ADD2: variants seen among roughly 807,000 people sequenced by gnomAD.
ADD2 encodes the protein adducin 2, also known as beta-adducin.
A neutral mutation model predicts 83.0 loss-of-function variants in ADD2; 23 were observed. The ratio of observed to expected loss-of-function variants is 0.28; its 90% CI spans 0.20 to 0.39. The LOEUF is 0.39. Ranked by LOEUF, ADD2 falls within the 10% of genes least tolerant of loss-of-function variation. The pLI is 1.00. For synonymous variants in ADD2, 375 were observed against 375.4 expected, an observed-to-expected ratio of 1.00 and a Z score of 0.01; for missense variants, 758 against 944.9, an observed-to-expected ratio of 0.80 and a Z score of 2.59.
chr2:70,740,263 C>T (rs1174651631), intron 1 of ADD2, among the ~76,000 whole-genome samples: 1 of 152,032 alleles, frequency 6.6e-6, no homozygotes, highest in Non-Finnish European at 1.5e-5. Context: ...AAAGCAAAAA[C>T]TGTTGAGAAT....
At chr2:70,745,408 A>C (rs1378941398) in intron 1 of ADD2, among the ~76,000 whole-genome samples, 1 of 152,186 alleles carries the variant, frequency 6.6e-6, no homozygotes, top group Non-Finnish European at 1.5e-5. Flanking sequence ...ACAGTACCAC[A>C]AAGTACAGAA....
intron 1 of ADD2, among the ~76,000 whole-genome samples, chr2:70,743,609 A>T (rs1230657882): frequency 6.6e-6 from 1 of 152,224 alleles, no homozygotes; most frequent in Non-Finnish European, 1.5e-5. Flanking sequence ...TAAAATTCTG[A>T]AATACTTGCC....
At chr2:70,677,568 A>G (rs1553368598) in intron 12 of ADD2, among the ~76,000 whole-genome samples, 190 bp downstream of exon 12, 1 of 152,202 alleles carries the variant, frequency 6.6e-6, no homozygotes, top group East Asian at 1.9e-4. Context: ...GTAAAGGGTT[A>G]CGGGACCACA....
At chr2:70,714,284 CCCACCCTACCG>C (rs1672350089) in intron 1 of ADD2, among the ~76,000 whole-genome samples, 1 of 152,120 alleles carries the variant, frequency 6.6e-6, no homozygotes, top group African/African-American at 2.4e-5. Flanking sequence ...CCTGAGTACC[CCCACCCTACCG>C]CCACCTGCCC....
At chr2:70,680,835 C>T (rs528484792) in intron 10 of ADD2, among the ~76,000 whole-genome samples, 2 of 152,094 alleles carry the variant, frequency 1.3e-5, no homozygotes, top group Admixed American at 6.5e-5. Context: ...CATAATTGTC[C>T]ACCTTAAACT....
chr2:70,727,403 C>T (rs1553378494), intron 1 of ADD2, among the ~76,000 whole-genome samples: 7 of 152,142 alleles, frequency 4.6e-5, no homozygotes, highest in Admixed American at 3.3e-4. Context: ...CTCCCTCTCC[C>T]TCTCCCTCTC....
At chr2:70,704,263 T>TGGCCCCCCCACCCCCCC in intron 4 of ADD2, 58 bp downstream of exon 4, 1 of 913,238 alleles carries the variant, frequency 1.1e-6, no homozygotes, top group Non-Finnish European at 1.7e-6. Flanking sequence ...CTCCCTCTCT[T>TGGCCCCCCCACCCCCCC]CCCCACCCCA....
intron 2 of ADD2, among the ~76,000 whole-genome samples, chr2:70,711,531 T>C (rs1343163497): frequency 1.3e-5 from 2 of 152,130 alleles, no homozygotes; most frequent in African/African-American, 4.8e-5. Context: ...CAAATGCCCC[T>C]TGATTTTTAA....
At position 70,692,444 on chromosome 2, in the gene ADD2, C is replaced by T. The variant is rs144714020; in HGVS notation, c.664G>A (p.Val222Met). ...HSAIYAARPD[V>M]RCIIHLHTPA... is the part of the protein sequence containing the mutation. ...GTGTGCAGGTGGATGATGCAGCGCA[C>T]GTCGGGCCTCGCTGCATAGATGGCC... The change falls in exon 7 of 16, where the codon GTG (valine) becomes ATG (methionine). Residue 222 changes from valine (V) to methionine (M), a missense_variant. Coordinates refer to ENST00000264436, the MANE Select transcript of ADD2 (RefSeq NM_001617.4). The T allele has an allele frequency of 1.4e-5, 22 of 1,609,222 alleles. No individual in the cohort carries two copies. Among genetic ancestry groups the T allele is most frequent in the Admixed American group, 6.7e-5 (4 of 59,408 alleles).
intron 1 of ADD2, among the ~76,000 whole-genome samples, chr2:70,713,977 G>A (rs564868814): frequency 6.6e-6 from 1 of 152,056 alleles, no homozygotes; most frequent in East Asian, 2.0e-4. Flanking sequence ...CTGTCCATGG[G>A]TGAATTCAAG....
intron 4 of ADD2, 58 bp downstream of exon 4, chr2:70,704,263 T>TCCCCCCCCCCCCCCACC: frequency 2.2e-6 from 2 of 913,238 alleles, no homozygotes; most frequent in Non-Finnish European, 1.7e-6. Context: ...CTCCCTCTCT[T>TCCCCCCCCCCCCCCACC]CCCCACCCCA....
intron 4 of ADD2, among the ~76,000 whole-genome samples, chr2:70,699,954 A>T (rs1008651700): frequency 6.6e-6 from 1 of 152,368 alleles, no homozygotes; most frequent in African/African-American, 2.4e-5. Context: ...GAAGCTATTT[A>T]ATAGGTCATT....
chr2:70,692,496 C>T lies in ADD2; in HGVS notation c.612G>A (p.Val204=). The change falls in exon 7 of 16, where the codon GTG becomes GTA. Residue 204 remains valine (V), a synonymous_variant. Transcript: ENST00000264436. ...AGTGCAGACAGAAGCCTGTGGTGTC[C>T]ACTGGGAAGCAGCTGCTGCCCTTCT... ...VVEKGSSCFP[V]DTTGFCLHSA... 1 of 1,612,894 alleles carries T rather than the reference C, an allele frequency of 6.2e-7. No homozygotes were observed. The highest frequency in any genetic ancestry group is 8.5e-7 in the Non-Finnish European group (1 of 1,179,610).
intron 1 of ADD2, among the ~76,000 whole-genome samples, chr2:70,762,616 CAAAT>C (rs1402221693): frequency 6.7e-6 from 1 of 148,350 alleles, no homozygotes; most frequent in Non-Finnish European, 1.5e-5. Flanking sequence ...AATTATATAT[CAAAT>C]AAATATATAA....
chr2:70,725,630 G>A (rs527948141), intron 1 of ADD2, among the ~76,000 whole-genome samples: 12 of 152,068 alleles, frequency 7.9e-5, no homozygotes, highest in Non-Finnish European at 1.6e-4. Context: ...GAGTGAGGCA[G>A]CCACAAGCCA....
At chr2:70,752,482 C>T (rs1051866949) in intron 1 of ADD2, among the ~76,000 whole-genome samples, 1 of 152,054 alleles carries the variant, frequency 6.6e-6, no homozygotes, top group African/African-American at 2.4e-5. Context: ...GCAGGAAGTA[C>T]TGAATAAATA....
At chr2:70,708,265 G>A (rs116624986) in intron 2 of ADD2, among the ~76,000 whole-genome samples, 3 of 152,166 alleles carry the variant, frequency 2.0e-5, no homozygotes, top group African/African-American at 4.8e-5. Context: ...AAGGGAAGGC[G>A]CATGGACAGA....
intron 9 of ADD2, among the ~76,000 whole-genome samples, chr2:70,685,524 G>A (rs570504863): frequency 7.7e-4 from 118 of 152,268 alleles, no homozygotes; most frequent in Non-Finnish European, 1.3e-3. Flanking sequence ...TGGGCACCAG[G>A]CTGCCCAGGT....
At chr2:70,694,385 C>A (rs1671202989) in intron 6 of ADD2, among the ~76,000 whole-genome samples, 1 of 152,166 alleles carries the variant, frequency 6.6e-6, no homozygotes, top group Admixed American at 6.5e-5. Context: ...CAACAGAAAT[C>A]TGCTTGCATT....
Sources: allele counts gnomAD v4.1 joint callset (sites outside exome capture counted in the v4.1 genomes callset), GRCh38; gene constraint gnomAD v4.1.1; transcripts MANE v1.5; gene names NCBI Gene and HGNC (gene_info 2026-07-23, HGNC 2026-07-21).